The following GASK1B variants were observed in gnomAD, a reference collection of about 807,000 sequenced individuals.
GASK1B encodes golgi associated kinase 1B.
Under a neutral mutation model 42.8 loss-of-function variants are expected in GASK1B, and 34 were observed. That is an observed-to-expected ratio of 0.79 (90% confidence interval 0.60 to 1.06). GASK1B has a LOEUF of 1.06. GASK1B is among the 50% of genes least tolerant of loss of function. The pLI, the probability that GASK1B is intolerant of heterozygous loss-of-function variation, is 0.00. For synonymous variants in GASK1B, 262 were observed against 259.1 expected (o/e 1.01, Z -0.11); for missense variants, 686 against 661.0 (o/e 1.04, Z -0.42).
At chr4:158,142,663 T>A (rs1483346490) in intron 3 of GASK1B, among the ~76,000 whole-genome samples, 1 of 152,178 alleles carries the variant, frequency 6.6e-6, no homozygotes, top group Non-Finnish European at 1.5e-5. Context: ...TAGCTGCTAT[T>A]ATCAGAAAAA....
intron 2 of GASK1B, among the ~76,000 whole-genome samples, chr4:158,167,552 C>A (rs1732275876): frequency 6.6e-6 from 1 of 152,158 alleles, no homozygotes; most frequent in South Asian, 2.1e-4. Context: ...AAGGAACAAG[C>A]AATGAACGCA....
chr4:158,134,691 G>T (rs531162828), intron 3 of GASK1B, among the ~76,000 whole-genome samples: 10 of 152,060 alleles, frequency 6.6e-5, no homozygotes, highest in African/African-American at 2.2e-4. Flanking sequence ...GGTGGTGGTG[G>T]GATATTTTTA....
chr4:158,128,047 A>G (rs920945679), intron 4 of GASK1B, among the ~76,000 whole-genome samples: 3 of 152,204 alleles, frequency 2.0e-5, no homozygotes, highest in Non-Finnish European at 2.9e-5. Flanking sequence ...GATAATGACA[A>G]CTTCAATAAA....
Position 158,171,252 on chromosome 4 carries a change from T to C in GASK1B, c.124A>G (p.Thr42Ala). ...PRTRRNLLLG[T>A]ACAIYLGFLV... The stretch of plus-strand genomic sequence containing the variant: ...AAGCCCAAGTAGATGGCACACGCAG[T>C]GCCCAGCAGAAGGTTTCTCCGGGTC... The change falls in exon 2 of 5, where the codon ACT becomes GCT. Residue 42 changes from threonine (T) to alanine (A), a missense_variant. Physicochemically the swap from Thr to Ala is moderately conservative, Grantham distance 58 (BLOSUM62 0). Transcript: ENST00000585682. 1 of 1,613,996 alleles carries C rather than the reference T, an allele frequency of 6.2e-7. No homozygotes were observed. Among genetic ancestry groups the C allele is most frequent in the Non-Finnish European group, 8.5e-7 (1 of 1,180,006 alleles).
intron 3 of GASK1B, among the ~76,000 whole-genome samples, chr4:158,153,379 A>C (rs948121787): frequency 3.9e-5 from 6 of 152,186 alleles, no homozygotes; most frequent in Non-Finnish European, 7.4e-5. Context: ...TAACACATCC[A>C]ATGTGAGTTT....
At chr4:158,153,718 T>A (rs1731648953) in intron 3 of GASK1B, among the ~76,000 whole-genome samples, 1 of 152,218 alleles carries the variant, frequency 6.6e-6, no homozygotes, top group Admixed American at 6.5e-5. Flanking sequence ...TACAGCCAAC[T>A]GATCTTCGAC....
Position 158,170,794 on chromosome 4 carries a change from G to T in GASK1B, c.582C>A (p.Asp194Glu). Residue 194 changes from aspartate (D) to glutamate (E), a missense_variant, in exon 2 of 5, where the codon GAC (aspartate) becomes GAA (glutamate). Transcript: ENST00000585682. ...TCTCCCTGGAGCTGGGCTGCAGGAA[G>T]TCTGGGCCCCCGGCTCGCACTCCCG... ...RGPGVRAGGPDFLQPSSRESN... is the reference protein window; with the variant it reads ...RGPGVRAGGPEFLQPSSRESN... The T allele has an allele frequency of 6.2e-7, 1 of 1,614,216 alleles. No individual in the cohort carries two copies. The highest frequency in any genetic ancestry group is 1.1e-5 in the South Asian group (1 of 91,088).
At chr4:158,139,103 G>A (rs1023661338) in intron 3 of GASK1B, among the ~76,000 whole-genome samples, 26 of 152,162 alleles carry the variant, frequency 1.7e-4, no homozygotes, top group African/African-American at 5.6e-4. Context: ...AATGTTCAGA[G>A]AGGATAGCAA....
chr4:158,135,333 A>T (rs910314305), intron 3 of GASK1B, among the ~76,000 whole-genome samples: 5 of 149,778 alleles, frequency 3.3e-5, no homozygotes, highest in Non-Finnish European at 7.4e-5. Flanking sequence ...AAAAAAAAAA[A>T]AAAAAAAAAA....
chr4:158,165,103 C>T (rs1440149314), intron 2 of GASK1B, among the ~76,000 whole-genome samples: 1 of 152,196 alleles, frequency 6.6e-6, no homozygotes, highest in Admixed American at 6.5e-5. Flanking sequence ...ATAAAGCATA[C>T]ATAATACATC....
At chr4:158,131,768 T>G (rs1730693115) in intron 3 of GASK1B, among the ~76,000 whole-genome samples, 2 of 152,160 alleles carry the variant, frequency 1.3e-5, no homozygotes, top group South Asian at 4.1e-4. Flanking sequence ...TCAGATAAAT[T>G]TAAGTCAAAT....
chr4:158,129,563 A>C (rs1730593118), intron 4 of GASK1B, among the ~76,000 whole-genome samples: 1 of 152,208 alleles, frequency 6.6e-6, no homozygotes, highest in African/African-American at 2.4e-5. Context: ...GTGTTTAGGA[A>C]GAATGATTGA....
Position 158,170,739 on chromosome 4 carries a change from G to C in GASK1B, c.637C>G (p.Pro213Ala). The C allele has an allele frequency of 6.2e-7, 1 of 1,614,222 alleles. No homozygotes were observed. Among genetic ancestry groups the C allele is most frequent in the East Asian group, 2.2e-5 (1 of 44,874 alleles). ...SNIRIYSESA[P>A]SWLSKDDIRR... ...ATGTCATCTTTGCTCAGCCAGGAGG[G>C]GGCGCTCTCGCTGTAGATCCTAATG... is the stretch of plus-strand genomic sequence containing the variant. Residue 213 changes from proline to alanine, a missense_variant, in exon 2 of 5, where the codon CCC (proline) becomes GCC (alanine). Coordinates refer to ENST00000585682, the MANE Select transcript of GASK1B (RefSeq NM_001128424.2).
intron 3 of GASK1B, among the ~76,000 whole-genome samples, chr4:158,138,004 T>A (rs569460296): frequency 3.3e-5 from 5 of 152,322 alleles, no homozygotes; most frequent in African/African-American, 1.2e-4. Context: ...TAAAAATAAA[T>A]GTCAGTGTAT....
chr4:158,133,868 A>G (rs1730778390), intron 3 of GASK1B, among the ~76,000 whole-genome samples: 1 of 152,112 alleles, frequency 6.6e-6, no homozygotes, highest in Non-Finnish European at 1.5e-5. Context: ...AATTTTTTTC[A>G]GATCTATATA....
intron 2 of GASK1B, among the ~76,000 whole-genome samples, chr4:158,161,810 G>A (rs908576401): frequency 2.6e-5 from 4 of 152,188 alleles, no homozygotes; most frequent in Non-Finnish European, 4.4e-5. Flanking sequence ...TCCAGTTAAA[G>A]GAGCCACGAA....
chr4:158,166,725 A>G (rs1269003113), intron 2 of GASK1B, among the ~76,000 whole-genome samples: 1 of 152,082 alleles, frequency 6.6e-6, no homozygotes, highest in Non-Finnish European at 1.5e-5. Flanking sequence ...CTCCTTGAGG[A>G]AAAAAAGGAG....
In GASK1B at chr4:158,125,406, G is replaced by T. The variant is rs1412087144; in HGVS notation, c.*2001C>A. The T allele has an allele frequency of 1.0e-5, 1 of 99,456 alleles. No individual in the cohort carries two copies. The highest frequency in any genetic ancestry group is 4.8e-3 in the Middle Eastern group (1 of 210). 6.2% of individuals were successfully genotyped at this position (99,456 alleles called of 1,614,324 possible). ...CAATATGATAAATTTGGATAAAGAT[G>T]GTAAAAAAAAAAAAATGTTTTAAGC... On this transcript the variant is annotated 3_prime_UTR_variant, in exon 5 of 5. Transcript: ENST00000585682.
At chr4:158,138,057 A>G (rs938936325) in intron 3 of GASK1B, among the ~76,000 whole-genome samples, 24 of 152,186 alleles carry the variant, frequency 1.6e-4, no homozygotes, top group African/African-American at 5.8e-4. Context: ...ACATTAATAA[A>G]TGACACGTAA....
Sources: gnomAD v4.1 joint callset for allele counts (sites outside exome capture counted in the v4.1 genomes callset) on GRCh38, gnomAD v4.1.1 for gene constraint, MANE v1.5 for transcripts, NCBI Gene and HGNC (gene_info 2026-07-23, HGNC 2026-07-21) for gene names.